Variants in AFG2A observed in about 807,000 individuals in gnomAD.
AFG2A encodes ATPase family gene 2 protein homolog A.
the AFG2A span, among the ~76,000 whole-genome samples, chr4:123,046,781 A>T: frequency 6.6e-6 from 1 of 151,644 alleles, no homozygotes; most frequent in Non-Finnish European, 1.5e-5. Flanking sequence ...ATTTTTTTTC[A>T]TCTCCCTCCT....
chr4:123,309,328 G>A, the AFG2A span, among the ~76,000 whole-genome samples: 1 of 152,192 alleles, frequency 6.6e-6, no homozygotes, highest in Non-Finnish European at 1.5e-5. Flanking sequence ...TGTCTGGTGA[G>A]GGCCTATTCC....
At chr4:123,049,391 C>G in the AFG2A span, among the ~76,000 whole-genome samples, 1 of 151,894 alleles carries the variant, frequency 6.6e-6, no homozygotes, top group Non-Finnish European at 1.5e-5. Flanking sequence ...TGTATTCTCC[C>G]TTCATTTTTT....
the AFG2A span, among the ~76,000 whole-genome samples, chr4:122,947,705 G>C: frequency 4.6e-5 from 7 of 152,036 alleles, no homozygotes; most frequent in East Asian, 1.4e-3. Context: ...TACCTCTAAA[G>C]GATAACCACC....
At chr4:123,121,233 A>G in the AFG2A span, among the ~76,000 whole-genome samples, 1 of 145,460 alleles carries the variant, frequency 6.9e-6, no homozygotes, top group Non-Finnish European at 1.5e-5. Context: ...AAGTGTTATT[A>G]TAAGAGTCAA....
the AFG2A span, among the ~76,000 whole-genome samples, chr4:122,959,710 C>A: frequency 3.3e-5 from 5 of 152,202 alleles, no homozygotes; most frequent in Non-Finnish European, 5.9e-5. Flanking sequence ...TACAAAACCT[C>A]TGTAGTGTTT....
At chr4:123,122,429 GT>G in the AFG2A span, among the ~76,000 whole-genome samples, 3 of 152,120 alleles carry the variant, frequency 2.0e-5, no homozygotes, top group African/African-American at 7.2e-5. Flanking sequence ...CATAAAACCT[GT>G]TTTATAATAA....
At chr4:122,954,695 T>A in the AFG2A span, among the ~76,000 whole-genome samples, 1 of 152,232 alleles carries the variant, frequency 6.6e-6, no homozygotes. Context: ...TTTCTACTCA[T>A]AGTTCTTCCT....
chr4:123,125,121 A>C, the AFG2A span, among the ~76,000 whole-genome samples: 808 of 152,240 alleles, frequency 5.3e-3, 2 homozygotes, highest in African/African-American at 0.018. Context: ...CAGCTTTGAA[A>C]TTTTTTATGA....
At chr4:123,092,522 G>A in the AFG2A span, among the ~76,000 whole-genome samples, 3 of 152,168 alleles carry the variant, frequency 2.0e-5, no homozygotes, top group Non-Finnish European at 4.4e-5. Context: ...GACTTGGCCT[G>A]TTTAGTGCTT....
the AFG2A span, among the ~76,000 whole-genome samples, chr4:123,065,427 G>A: frequency 6.6e-6 from 1 of 152,116 alleles, no homozygotes; most frequent in Non-Finnish European, 1.5e-5. Context: ...GTTTTTGGAA[G>A]TAAATACATT....
chr4:123,057,211 C>T, the AFG2A span: 1 of 1,613,838 alleles, frequency 6.2e-7, no homozygotes, highest in Non-Finnish European at 8.5e-7. Flanking sequence ...TCCACCAGAC[C>T]TTCCGAAAAG....
the AFG2A span, among the ~76,000 whole-genome samples, chr4:123,214,731 C>T: frequency 2.0e-5 from 3 of 151,830 alleles, no homozygotes; most frequent in Admixed American, 6.6e-5. Context: ...AGCCTTAAGA[C>T]GATAAGGATG....
chr4:123,299,645 A>G, the AFG2A span, among the ~76,000 whole-genome samples: 1 of 152,180 alleles, frequency 6.6e-6, no homozygotes, highest in Admixed American at 6.5e-5. Flanking sequence ...TCTCTTTCCA[A>G]TGATACTTTG....
At chr4:123,029,830 G>T in the AFG2A span, among the ~76,000 whole-genome samples, 11,529 of 152,130 alleles carry the variant, frequency 0.076, 564 homozygotes, top group Middle Eastern at 0.15. Context: ...TAGAGACAGG[G>T]TCTCACTGTG....
chr4:123,220,634 A>AC, the AFG2A span, among the ~76,000 whole-genome samples: 3 of 136,396 alleles, frequency 2.2e-5, no homozygotes, highest in South Asian at 2.1e-4. Context: ...AAAAAAAAAA[A>AC]AAACCTGGAG....
the AFG2A span, among the ~76,000 whole-genome samples, chr4:123,281,380 GA>G: frequency 4.6e-5 from 7 of 151,910 alleles, no homozygotes; most frequent in African/African-American, 1.7e-4. Context: ...GATAAAGGGG[GA>G]AAAAAGTGAC....
chr4:122,956,632 A>G, the AFG2A span, among the ~76,000 whole-genome samples: 1 of 152,146 alleles, frequency 6.6e-6, no homozygotes, highest in South Asian at 2.1e-4. Flanking sequence ...AGTTTTATTT[A>G]TGTATTTATT....
the AFG2A span, among the ~76,000 whole-genome samples, chr4:123,107,272 C>T: frequency 6.6e-6 from 1 of 152,176 alleles, no homozygotes; most frequent in East Asian, 1.9e-4. Flanking sequence ...TTTGGTGGGT[C>T]CTGAGTTCTT....
chr4:122,929,448 C>A, the AFG2A span, among the ~76,000 whole-genome samples: 2 of 152,222 alleles, frequency 1.3e-5, no homozygotes, highest in East Asian at 3.9e-4. Flanking sequence ...AATCTCAGCA[C>A]TTTGGGAGGC....
Sources: gnomAD v4.1 joint callset for allele counts (sites outside exome capture counted in the v4.1 genomes callset) on GRCh38, gnomAD v4.1.1 for gene constraint, MANE v1.5 for transcripts, NCBI Gene and HGNC (gene_info 2026-07-23, HGNC 2026-07-21) for gene names.